KAZN: variants seen among roughly 807,000 people sequenced by gnomAD.
The protein encoded by KAZN is kazrin, periplakin interacting protein, also known as kazrin.
KAZN carries 40 observed loss-of-function variants against 87.4 expected under a neutral mutation model. The ratio of observed to expected loss-of-function variants is 0.46; its 90% CI spans 0.36 to 0.60. The LOEUF (loss-of-function observed/expected upper bound fraction) is 0.60, where lower values mean the gene tolerates loss of function less well. KAZN is among the 20% of genes least tolerant of loss of function. The probability of loss-of-function intolerance (pLI) is 0.00; values close to 1 mark genes in which losing one functional copy is unlikely to be tolerated. For synonymous variants in KAZN, 466 were observed against 458.3 expected, an observed-to-expected ratio of 1.02 and a Z score of -0.22; for missense variants, 898 against 1,073.9, an observed-to-expected ratio of 0.84 and a Z score of 2.29.
chr1:15,060,167 T>TC lies in KAZN; in HGVS notation c.917-3dup, dbSNP rs1638657497. 12 of 1,613,890 alleles carry TC rather than the reference T, an allele frequency of 7.4e-6. No individual in the cohort carries two copies. The East Asian group carries it at 2.5e-4, about 33-fold the overall frequency. On this transcript the variant is annotated splice_polypyrimidine_tract_variant and splice_region_variant and intron_variant, in intron 5 of 14. Transcript: ENST00000376030. ...CCTCACTCACCAGCTGTCCCTGCTTTCCAGCGGTCAGGGTGAGCCCCTGCC... is the reference window on the plus strand; with the variant it reads ...CCTCACTCACCAGCTGTCCCTGCTTTCCCAGCGGTCAGGGTGAGCCCCTGCC...
At chr1:14,767,468 T>C (rs890390379) in intron 1 of KAZN, among the ~76,000 whole-genome samples, 1 of 152,204 alleles carries the variant, frequency 6.6e-6, no homozygotes, top group Non-Finnish European at 1.5e-5. Context: ...AGCCTTTTTT[T>C]CCCAGGGGAT....
chr1:14,335,747 GCACA>G (rs969846980), intron 2 of KAZN, among the ~76,000 whole-genome samples: 3 of 150,980 alleles, frequency 2.0e-5, no homozygotes, highest in African/African-American at 4.9e-5. Flanking sequence ...GCATGTGCGC[GCACA>G]CACACACACA....
At chr1:15,035,596 C>G (rs1240340382) in intron 3 of KAZN, among the ~76,000 whole-genome samples, 1 of 152,140 alleles carries the variant, frequency 6.6e-6, no homozygotes, top group Non-Finnish European at 1.5e-5. Flanking sequence ...ACCTGTAATC[C>G]TAGCACTTTG....
At chr1:14,165,840 A>G (rs1462531916) in intron 1 of KAZN, among the ~76,000 whole-genome samples, 1 of 152,152 alleles carries the variant, frequency 6.6e-6, no homozygotes, top group African/African-American at 2.4e-5. Context: ...CATGTAGATC[A>G]GGCAAACAGT....
intron 1 of KAZN, among the ~76,000 whole-genome samples, chr1:13,997,201 C>T (rs1639566594): frequency 1.3e-5 from 2 of 152,026 alleles, no homozygotes; most frequent in African/African-American, 4.8e-5. Flanking sequence ...ACAACCCCCA[C>T]AAAAACCCCA....
chr1:14,681,615 A>ATG (rs1557885573), intron 1 of KAZN, among the ~76,000 whole-genome samples: 37 of 6,712 alleles, frequency 5.5e-3, no homozygotes, highest in Admixed American at 0.017. Context: ...GTATATGTGT[A>ATG]TATATATATA....
chr1:14,914,331 G>A (rs1486174330), intron 1 of KAZN, among the ~76,000 whole-genome samples: 1 of 152,196 alleles, frequency 6.6e-6, no homozygotes, highest in Non-Finnish European at 1.5e-5. Flanking sequence ...TCTGGGCTTT[G>A]CATTTCTCAC....
chr1:14,753,158 AGCAT>A (rs142305314), intron 1 of KAZN, among the ~76,000 whole-genome samples: 1,668 of 152,324 alleles, frequency 0.011, 36 homozygotes, highest in African/African-American at 0.037. Context: ...AGCTCCAGGA[AGCAT>A]GCCTTCATGC....
At chr1:14,999,620 C>A (rs1429950830) in intron 2 of KAZN, among the ~76,000 whole-genome samples, 1 of 152,176 alleles carries the variant, frequency 6.6e-6, no homozygotes, top group East Asian at 1.9e-4. Flanking sequence ...TCAGAATCTC[C>A]GGGCACCCCT....
chr1:14,249,675 TC>T (rs768196858), intron 2 of KAZN, among the ~76,000 whole-genome samples: 2 of 152,194 alleles, frequency 1.3e-5, no homozygotes, highest in Non-Finnish European at 2.9e-5. Flanking sequence ...CCCAGGCCTG[TC>T]TGCTGTTCCC....
chr1:14,899,963 T>C (rs1655678200), intron 1 of KAZN, among the ~76,000 whole-genome samples: 1 of 152,214 alleles, frequency 6.6e-6, no homozygotes, highest in Admixed American at 6.5e-5. Flanking sequence ...TCTTCTCAAG[T>C]AATGTCTGTC....
chr1:14,997,340 G>C (rs1009099931), intron 2 of KAZN, among the ~76,000 whole-genome samples: 3 of 151,692 alleles, frequency 2.0e-5, no homozygotes, highest in Non-Finnish European at 4.4e-5. Flanking sequence ...TCCCGGGTTC[G>C]AGCGATTCTC....
At chr1:14,289,478 G>C (rs2100741437) in intron 2 of KAZN, among the ~76,000 whole-genome samples, 1 of 150,274 alleles carries the variant, frequency 6.7e-6, no homozygotes, top group African/African-American at 2.4e-5. Context: ...TTTAATGTCT[G>C]TTTTATCAGA....
rs776033657 is a variant in KAZN at position 15,065,758 on chromosome 1, C to G, written c.1222+5C>G. The G allele has an allele frequency of 1.2e-6, 2 of 1,614,152 alleles. No homozygotes were observed. The highest frequency in any genetic ancestry group is 1.7e-5 in the Admixed American group (1 of 60,018). On this transcript the variant is annotated splice_donor_5th_base_variant and intron_variant, in intron 8 of 14. Coordinates refer to ENST00000376030, the MANE Select transcript of KAZN (RefSeq NM_201628.3). ...TCGACCCCGGCCTCTTTGATGGTAC[C>G]GCCCCTGATTATTACATAGAGGAGG...
At chr1:14,767,237 T>C (rs1027330546) in intron 1 of KAZN, among the ~76,000 whole-genome samples, 2 of 152,168 alleles carry the variant, frequency 1.3e-5, no homozygotes, top group African/African-American at 4.8e-5. Flanking sequence ...TGCCTGACAA[T>C]AGCAGCCTTC....
chr1:14,418,609 TTGTTTTA>T (rs1665041225), intron 2 of KAZN, among the ~76,000 whole-genome samples: 1 of 152,228 alleles, frequency 6.6e-6, no homozygotes, highest in Non-Finnish European at 1.5e-5. Flanking sequence ...ATAGCAAGGC[TTGTTTTA>T]TAGACAATCT....
intron 1 of KAZN, among the ~76,000 whole-genome samples, chr1:14,040,958 A>C (rs1317811069): frequency 1.3e-5 from 2 of 152,118 alleles, no homozygotes; most frequent in Admixed American, 1.3e-4. Flanking sequence ...CTTTAAAATA[A>C]TTTTTATTTT....
chr1:14,522,568 A>G (rs1331154477), intron 2 of KAZN, among the ~76,000 whole-genome samples: 1 of 152,226 alleles, frequency 6.6e-6, no homozygotes, highest in African/African-American at 2.4e-5. Flanking sequence ...GTGTTGTTTT[A>G]AAGCCTGACT....
chr1:14,869,835 T>C (rs762170892), intron 1 of KAZN, among the ~76,000 whole-genome samples: 6 of 152,238 alleles, frequency 3.9e-5, no homozygotes, highest in Non-Finnish European at 8.8e-5. Flanking sequence ...CGCACAGACC[T>C]GCTGGAAAAA....
Sources: gnomAD v4.1 joint callset for allele counts (sites outside exome capture counted in the v4.1 genomes callset) on GRCh38, gnomAD v4.1.1 for gene constraint, MANE v1.5 for transcripts, NCBI Gene and HGNC (gene_info 2026-07-23, HGNC 2026-07-21) for gene names.